The following RYR2 variants were observed in gnomAD, a reference collection of about 807,000 sequenced individuals.
RYR2 encodes the protein ryanodine receptor 2, also known as cardiac muscle ryanodine receptor-calcium release channel.
A neutral mutation model predicts 601.1 loss-of-function variants in RYR2; 227 were observed. The ratio of observed to expected loss-of-function variants is 0.38; its 90% CI spans 0.34 to 0.42. RYR2 has a LOEUF of 0.42. RYR2 is among the 10% of genes least tolerant of loss of function. The pLI, the probability that RYR2 is intolerant of heterozygous loss-of-function variation, is 1.00. For missense variants in RYR2, 4,646 were observed against 6,156.5 expected, an observed-to-expected ratio of 0.75 and a Z score of 8.21; for synonymous variants, 2,223 against 2,175.1, an observed-to-expected ratio of 1.02 and a Z score of -0.61.
chr1:237,455,580 G>A (rs780154270), intron 15 of RYR2, among the ~76,000 whole-genome samples: 1 of 152,072 alleles, frequency 6.6e-6, no homozygotes, highest in Non-Finnish European at 1.5e-5. Context: ...AATAAAAGTT[G>A]TGACACAGAG....
At chr1:237,508,358 A>G (rs926851688) in intron 23 of RYR2, among the ~76,000 whole-genome samples, 12 of 152,170 alleles carry the variant, frequency 7.9e-5, no homozygotes, top group African/African-American at 2.4e-5. Context: ...CAAATGTGTA[A>G]GTAATCAATT....
chr1:237,723,047 G>A (rs898957922), intron 73 of RYR2, 81 bp from the exon 74 acceptor site: 2 of 1,229,636 alleles, frequency 1.6e-6, no homozygotes, highest in African/African-American at 3.0e-5. Flanking sequence ...ATAATGATGG[G>A]TGGACTCTTC....
At chr1:237,650,297 C>T (rs558784686) in intron 50 of RYR2, among the ~76,000 whole-genome samples, 200 bp downstream of exon 50, 1 of 152,190 alleles carries the variant, frequency 6.6e-6, no homozygotes, top group African/African-American at 2.4e-5. Flanking sequence ...TTCCTCCAAG[C>T]CTCCCTAGGG....
chr1:237,790,220 C>T (rs1658207566), intron 92 of RYR2, among the ~76,000 whole-genome samples: 1 of 152,108 alleles, frequency 6.6e-6, no homozygotes, highest in African/African-American at 2.4e-5. Flanking sequence ...CCAGCTGTTC[C>T]CTTAGTTGCT....
At chr1:237,197,423 C>G (rs1183617202) in intron 1 of RYR2, among the ~76,000 whole-genome samples, 1 of 152,142 alleles carries the variant, frequency 6.6e-6, no homozygotes, top group East Asian at 1.9e-4. Context: ...ACTTAATTTT[C>G]TGTGTCTTAA....
At chr1:237,578,048 G>A (rs937545866) in intron 29 of RYR2, among the ~76,000 whole-genome samples, 1 of 152,154 alleles carries the variant, frequency 6.6e-6, no homozygotes, top group African/African-American at 2.4e-5. Context: ...GACCTAAGGT[G>A]ATCTGCCTGC....
chr1:237,743,533 G>C (rs537748591), intron 80 of RYR2: 5 of 516,526 alleles, frequency 9.7e-6, no homozygotes, highest in South Asian at 7.0e-5. Flanking sequence ...AGCATTTATA[G>C]TCTATCCGTT....
chr1:237,588,174 T>A (rs1674742941), intron 29 of RYR2, among the ~76,000 whole-genome samples: 1 of 152,150 alleles, frequency 6.6e-6, no homozygotes, highest in African/African-American at 2.4e-5. Context: ...CATTTACTCT[T>A]CCTTGAACAC....
At chr1:237,400,802 C>CA (rs1458888511) in intron 10 of RYR2, among the ~76,000 whole-genome samples, 6 of 151,914 alleles carry the variant, frequency 3.9e-5, no homozygotes, top group Non-Finnish European at 1.5e-5. Context: ...GTCATAGTCC[C>CA]AAAAAGGAAG....
chr1:237,685,561 A>G (rs1237323990), intron 62 of RYR2, among the ~76,000 whole-genome samples: 1 of 152,222 alleles, frequency 6.6e-6, no homozygotes, highest in African/African-American at 2.4e-5. Flanking sequence ...TCTGGATACT[A>G]GAGAGGAATA....
rs1192684022 is a variant in RYR2 at position 237,783,827 on chromosome 1, G to A, written c.12115G>A (p.Gly4039Ser). The stretch of plus-strand genomic sequence containing the variant: ...TACTTTTAAAGAATATGACCCCGAT[G>A]GCAAGGGAGTCATTTCCAAGAGGGA... ...SDTFKEYDPD[G>S]KGVISKRDFH... Residue 4039 changes from glycine (G) to serine (S), a missense_variant, in exon 90 of 105, where the codon GGC becomes AGC. Gly to Ser is a moderately conservative substitution (Grantham distance 56). Coordinates refer to ENST00000366574, the MANE Select transcript of RYR2 (RefSeq NM_001035.3). The A allele has an allele frequency of 6.2e-7, 1 of 1,613,862 alleles. No homozygotes were observed.
At chr1:237,169,757 T>C (rs182335078) in intron 1 of RYR2, among the ~76,000 whole-genome samples, 4 of 152,354 alleles carry the variant, frequency 2.6e-5, no homozygotes, top group Admixed American at 2.0e-4. Context: ...TAGAAATAAT[T>C]ATACTATTTG....
intron 16 of RYR2, 146 bp from the exon 17 acceptor site, chr1:237,468,946 G>A: frequency 1.6e-6 from 1 of 614,542 alleles, no homozygotes; most frequent in Admixed American, 2.6e-5. Flanking sequence ...TGTTGTATAT[G>A]TACGTGTATG....
At chr1:237,042,711 G>A (rs1309145310) in intron 1 of RYR2, 142 bp downstream of exon 1, 3 of 782,754 alleles carry the variant, frequency 3.8e-6, no homozygotes, top group Non-Finnish European at 5.3e-6. Context: ...GGAGGAGCGG[G>A]CATCACCAAG....
intron 2 of RYR2, among the ~76,000 whole-genome samples, chr1:237,329,614 C>T (rs933569115): frequency 1.3e-5 from 2 of 151,590 alleles, no homozygotes; most frequent in African/African-American, 4.9e-5. Flanking sequence ...CGCACTCCAC[C>T]CTGGGAAACA....
chr1:237,147,908 A>G (rs1241197651), intron 1 of RYR2, among the ~76,000 whole-genome samples: 1 of 152,226 alleles, frequency 6.6e-6, no homozygotes, highest in Non-Finnish European at 1.5e-5. Flanking sequence ...ATGGTGTTTT[A>G]TTAAACAGAC....
rs534010221 is a variant in RYR2 at position 237,533,325 on chromosome 1, T to A, written c.2906+2815T>A. On this transcript the variant is annotated intron_variant, in intron 25 of 104. Coordinates refer to ENST00000366574, the MANE Select transcript of RYR2 (RefSeq NM_001035.3). Reference sequence around the variant, plus strand: ...GCGAGCCTAAAATGTTGGGGTTTTTTAACAACCATTTTGCAAGCAATTTGG... The same window carrying A: ...GCGAGCCTAAAATGTTGGGGTTTTTAAACAACCATTTTGCAAGCAATTTGG... 1.4e-4 allele frequency among the ~76,000 whole-genome samples: 22 copies of A among 152,270 alleles called. No individual in the cohort carries two copies. The South Asian group carries it at 4.6e-3, about 32-fold the overall frequency.
intron 5 of RYR2, among the ~76,000 whole-genome samples, chr1:237,368,868 G>T (rs1700416404): frequency 6.6e-6 from 1 of 151,390 alleles, no homozygotes; most frequent in Non-Finnish European, 1.5e-5. Context: ...CTGTTGCCCA[G>T]GCTGGAGTGC....
intron 2 of RYR2, among the ~76,000 whole-genome samples, chr1:237,306,237 C>T (rs1693849734): frequency 6.6e-6 from 1 of 152,036 alleles, no homozygotes; most frequent in Non-Finnish European, 1.5e-5. Context: ...AAAATTAATC[C>T]AAAGAAGTCT....
Sources: gnomAD v4.1 joint callset for allele counts (sites outside exome capture counted in the v4.1 genomes callset) on GRCh38, gnomAD v4.1.1 for gene constraint, MANE v1.5 for transcripts, NCBI Gene and HGNC (gene_info 2026-07-23, HGNC 2026-07-21) for gene names.